Variants in MON2 observed in about 807,000 individuals in gnomAD.
The protein encoded by MON2 is protein MON2 homolog.
A neutral mutation model predicts 208.6 loss-of-function variants in MON2; 84 were observed. That is an observed-to-expected ratio of 0.40 (90% confidence interval 0.34 to 0.48). The LOEUF (loss-of-function observed/expected upper bound fraction) is 0.48. Ranked by LOEUF, MON2 falls within the 20% of genes least tolerant of loss-of-function variation. MON2 has a pLI of 0.59. For synonymous variants in MON2, 660 were observed against 694.0 expected, an observed-to-expected ratio of 0.95 and a Z score of 0.77; for missense variants, 1,611 against 2,015.4, an observed-to-expected ratio of 0.80 and a Z score of 3.84.
At chr12:62,509,416 TA>T (rs1282000262) in intron 8 of MON2, among the ~76,000 whole-genome samples, 1 of 152,144 alleles carries the variant, frequency 6.6e-6, no homozygotes, top group Non-Finnish European at 1.5e-5. Context: ...TGCCTGGCCC[TA>T]TATTCTAAAA....
chr12:62,557,962 AT>A (rs869193690), intron 25 of MON2, among the ~76,000 whole-genome samples: 10 of 20,852 alleles, frequency 4.8e-4, no homozygotes, highest in South Asian at 4.2e-3. Flanking sequence ...ATATATATAT[AT>A]TTTTTTTTTT....
At chr12:62,490,763 A>C (rs895925754) in intron 2 of MON2, among the ~76,000 whole-genome samples, 2 of 152,084 alleles carry the variant, frequency 1.3e-5, no homozygotes, top group African/African-American at 4.8e-5. Flanking sequence ...GATTATTCTT[A>C]TATAAATTAG....
At chr12:62,585,073 A>G (rs1176754402) in intron 32 of MON2, among the ~76,000 whole-genome samples, 2 of 49,364 alleles carry the variant, frequency 4.1e-5, no homozygotes, top group African/African-American at 2.0e-4. Flanking sequence ...ATGCACACAC[A>G]CACACACACA....
intron 30 of MON2, among the ~76,000 whole-genome samples, chr12:62,574,244 C>G (rs568320973): frequency 6.6e-6 from 1 of 152,116 alleles, no homozygotes; most frequent in South Asian, 2.1e-4. Flanking sequence ...AATGTTTTTT[C>G]TTTCTTTTAA....
rs1464124657 is a variant in MON2, at chr12:62,513,710, G to T, written c.984+5230G>T. Among the ~76,000 whole-genome samples the T allele has an allele frequency of 4.1e-5, 5 of 123,256 alleles. 1 individual carries two copies. In the Admixed American group the frequency reaches 4.3e-4, roughly 11 times the overall value. 80.9% of individuals were successfully genotyped at this position (123,256 alleles called of 152,430 possible). On this transcript the variant is annotated intron_variant, in intron 8 of 34. Transcript: ENST00000393630. The stretch of plus-strand genomic sequence containing the variant: ...GCCTGTAATCCCAGCACTTTGGGAG[G>T]CTGAGGCAGGCGGGTCATGAGGTCA...
At chr12:62,540,463 G>T (rs2073184110) in intron 19 of MON2, among the ~76,000 whole-genome samples, 1 of 152,106 alleles carries the variant, frequency 6.6e-6, no homozygotes, top group Non-Finnish European at 1.5e-5. Context: ...AGATTGGTAG[G>T]ATTTAGGTAG....
chr12:62,488,434 A>G (rs567815570), intron 2 of MON2, among the ~76,000 whole-genome samples: 1 of 152,246 alleles, frequency 6.6e-6, no homozygotes, highest in South Asian at 2.1e-4. Flanking sequence ...ACACTATTGA[A>G]GTGTTGCCTG....
intron 31 of MON2, among the ~76,000 whole-genome samples, chr12:62,579,216 C>T (rs2074907049): frequency 6.6e-6 from 1 of 150,500 alleles, no homozygotes; most frequent in African/African-American, 2.4e-5. Context: ...TGTGCTTCAG[C>T]CTGGGCAACA....
In MON2 at chr12:62,500,804, T is replaced by G; in HGVS notation, c.587T>G (p.Leu196Arg). Residue 196 changes from leucine to arginine, a missense_variant, in exon 6 of 35, where the codon CTG (leucine) becomes CGG (arginine). Physicochemically the swap from Leu to Arg is moderately radical, Grantham distance 102. Coordinates refer to ENST00000393630, the MANE Select transcript of MON2 (RefSeq NM_015026.3). ...RHRDIIEQPV[L>R]VQGNSNRRSV... ...GCAGATATTATAGAACAACCAGTAC[T>G]GGTACAAGGAAATAGTAACAGAAGA... The G allele has an allele frequency of 6.3e-7, 1 of 1,594,262 alleles. No individual in the cohort carries two copies. The highest frequency in any genetic ancestry group is 8.5e-7 in the Non-Finnish European group (1 of 1,169,600).
chr12:62,469,594 CAAAG>C (rs1414577041), intron 1 of MON2, among the ~76,000 whole-genome samples: 2 of 152,104 alleles, frequency 1.3e-5, no homozygotes, highest in Non-Finnish European at 2.9e-5. Context: ...AGGTTTAAAA[CAAAG>C]AGAGTCATTA....
intron 19 of MON2, among the ~76,000 whole-genome samples, chr12:62,538,711 G>A (rs2073096630): frequency 6.6e-6 from 1 of 151,996 alleles, no homozygotes; most frequent in Non-Finnish European, 1.5e-5. Context: ...TATGTCATAT[G>A]ATTTTAAGTT....
At chr12:62,541,762 A>G (rs1294353254) in intron 19 of MON2, among the ~76,000 whole-genome samples, 1 of 152,190 alleles carries the variant, frequency 6.6e-6, no homozygotes, top group Non-Finnish European at 1.5e-5. Context: ...CGAGGGCCAC[A>G]TTCTAGGTTT....
intron 7 of MON2, 29 bp from the exon 8 acceptor site, chr12:62,508,257 T>A: frequency 6.4e-7 from 1 of 1,563,128 alleles, no homozygotes. Context: ...AGTTAATTAT[T>A]TTTTTCTTTC....
intron 19 of MON2, among the ~76,000 whole-genome samples, chr12:62,538,895 G>A (rs1001970543): frequency 2.6e-5 from 4 of 151,960 alleles, no homozygotes; most frequent in African/African-American, 9.7e-5. Context: ...TGCTTTCATT[G>A]GGATGGAAAG....
rs1339887648 is a variant in MON2, at chr12:62,525,964, G to C, written c.1262G>C (p.Gly421Ala). 6.2e-7 allele frequency: 1 copy of C among 1,612,266 alleles called. No individual in the cohort carries two copies. Among genetic ancestry groups the C allele is most frequent in the South Asian group, 1.1e-5 (1 of 90,642 alleles). The stretch of plus-strand genomic sequence containing the variant: ...TCTCTAACAGGAAACAATAATTTAG[G>C]TGGCTCAGTCTCAGCACCAGCTAAC... The part of the protein sequence containing the change: ...TSNQAGNNNL[G>A]GSVSAPANSG... Residue 421 changes from glycine (G) to alanine (A), a missense_variant, in exon 11 of 35, where the codon GGT becomes GCT. Physicochemically the swap from Gly to Ala is moderately conservative, Grantham distance 60 (BLOSUM62 0). Coordinates refer to ENST00000393630, the MANE Select transcript of MON2 (RefSeq NM_015026.3).
chr12:62,512,277 A>C (rs1165216059), intron 8 of MON2, among the ~76,000 whole-genome samples: 1 of 152,206 alleles, frequency 6.6e-6, no homozygotes, highest in African/African-American at 2.4e-5. Context: ...CAAAGGCTCA[A>C]CTGAGACAAG....
chr12:62,511,078 G>A (rs1048578513), intron 8 of MON2, among the ~76,000 whole-genome samples: 1 of 152,080 alleles, frequency 6.6e-6, no homozygotes, highest in African/African-American at 2.4e-5. Context: ...CTATGCACTG[G>A]AAACTATAAA....
intron 4 of MON2, among the ~76,000 whole-genome samples, chr12:62,496,120 T>C (rs1394527451): frequency 6.6e-6 from 1 of 152,172 alleles, no homozygotes; most frequent in East Asian, 1.9e-4. Context: ...GTGTATACTA[T>C]ATCAAGTGAT....
chr12:62,580,220 T>C, intron 31 of MON2, 77 bp from the exon 32 acceptor site: 1 of 1,416,226 alleles, frequency 7.1e-7, no homozygotes, highest in East Asian at 2.4e-5. Flanking sequence ...TAAAGTAAAA[T>C]TTAAATTTTA....
Sources: gnomAD v4.1 joint callset for allele counts (sites outside exome capture counted in the v4.1 genomes callset) on GRCh38, gnomAD v4.1.1 for gene constraint, MANE v1.5 for transcripts, NCBI Gene and HGNC (gene_info 2026-07-23, HGNC 2026-07-21) for gene names.